CSMD1: variants seen among roughly 807,000 people sequenced by gnomAD.
CSMD1 encodes the protein CUB and sushi domain-containing protein 1.
Under a neutral mutation model 417.5 loss-of-function variants are expected in CSMD1, and 213 were observed. The observed-to-expected ratio is 0.51, with a 90% CI of 0.46 to 0.57. The LOEUF (loss-of-function observed/expected upper bound fraction) is 0.57, where lower values mean the gene tolerates loss of function less well. Ranked by LOEUF, CSMD1 falls within the 20% of genes least tolerant of loss-of-function variation. The pLI, the probability that CSMD1 is intolerant of heterozygous loss-of-function variation, is 0.00. For missense variants in CSMD1, 6,923 were observed against 4,529.7 expected (o/e 1.53, Z -15.17); for synonymous variants, 2,862 against 1,736.8 (o/e 1.65, Z -16.11).
chr8:3,945,176 G>GAAAA (rs1811135353), intron 5 of CSMD1, among the ~76,000 whole-genome samples: 1 of 18,034 alleles, frequency 5.5e-5, no homozygotes, highest in Non-Finnish European at 1.4e-4. Flanking sequence ...CCATGAGAAA[G>GAAAA]ACAAAAAAAA....
At chr8:2,986,371 G>C (rs528057540) in intron 54 of CSMD1, among the ~76,000 whole-genome samples, 1 of 152,134 alleles carries the variant, frequency 6.6e-6, no homozygotes, top group Non-Finnish European at 1.5e-5. Flanking sequence ...AGCATGAACT[G>C]TAAGACCTGC....
chr8:4,718,214 T>A (rs115976474), intron 1 of CSMD1, among the ~76,000 whole-genome samples: 4 of 152,154 alleles, frequency 2.6e-5, no homozygotes, highest in Admixed American at 6.5e-5. Flanking sequence ...TGGGCTTAAG[T>A]GATTCTCCTG....
At chr8:3,949,302 CTCA>C (rs1327290699) in intron 5 of CSMD1, among the ~76,000 whole-genome samples, 2 of 152,104 alleles carry the variant, frequency 1.3e-5, no homozygotes, top group African/African-American at 4.8e-5. Context: ...CTTAAACTTT[CTCA>C]TCCTGTCTCA....
chr8:4,441,342 G>T (rs373360719), intron 2 of CSMD1, among the ~76,000 whole-genome samples: 1 of 148,396 alleles, frequency 6.7e-6, no homozygotes, highest in Admixed American at 6.8e-5. Flanking sequence ...TAAACAGCTG[G>T]CCCCAAGCAA....
intron 39 of CSMD1, among the ~76,000 whole-genome samples, chr8:3,152,458 A>G (rs966953316): frequency 6.6e-6 from 1 of 152,192 alleles, no homozygotes; most frequent in Non-Finnish European, 1.5e-5. Context: ...TTTAAACAAA[A>G]TATTTTCTGG....
chr8:4,404,749 G>A (rs2128930872), intron 3 of CSMD1, among the ~76,000 whole-genome samples: 1 of 151,870 alleles, frequency 6.6e-6, no homozygotes, highest in Admixed American at 6.6e-5. Context: ...TTATTTGGAT[G>A]GCACATATAA....
In CSMD1 at chr8:3,985,840, G is replaced by C. The variant is rs148990635; in HGVS notation, c.818+12063C>G. Among the ~76,000 whole-genome samples, 972 of 150,726 alleles carry C rather than the reference G, an allele frequency of 6.4e-3. 20 individuals are homozygous for C. The highest frequency in any genetic ancestry group is 0.046 in the East Asian group (235 of 5,064). ...GACAGCATTCTTCAATGCTGAGACTGTACCCTAGGTCTGTCTGAGCATCAG... is the reference window on the plus strand; with the variant it reads ...GACAGCATTCTTCAATGCTGAGACTCTACCCTAGGTCTGTCTGAGCATCAG... On this transcript the variant is annotated intron_variant, in intron 5 of 69. Coordinates refer to ENST00000635120, the MANE Select transcript of CSMD1 (RefSeq NM_033225.6).
intron 5 of CSMD1, among the ~76,000 whole-genome samples, chr8:3,871,317 A>G (rs936037875): frequency 2.0e-5 from 3 of 152,104 alleles, no homozygotes; most frequent in Admixed American, 2.0e-4. Flanking sequence ...GTAGTGTTGG[A>G]AAATCACAAC....
At chr8:4,509,209 G>A (rs1474534360) in intron 2 of CSMD1, among the ~76,000 whole-genome samples, 11 of 152,026 alleles carry the variant, frequency 7.2e-5, no homozygotes, top group Non-Finnish European at 1.5e-5. Context: ...TTATAAATTT[G>A]CAAGATGAAG....
At chr8:3,528,445 G>T (rs933988768) in intron 10 of CSMD1, among the ~76,000 whole-genome samples, 1 of 152,196 alleles carries the variant, frequency 6.6e-6, no homozygotes, top group South Asian at 2.1e-4. Context: ...AGCCATGCCT[G>T]CTTCTATGCC....
chr8:4,006,749 C>T (rs188616499), intron 4 of CSMD1, among the ~76,000 whole-genome samples: 1 of 151,782 alleles, frequency 6.6e-6, no homozygotes, highest in African/African-American at 2.4e-5. Flanking sequence ...CCAGAAGGAA[C>T]TCACCACTAT....
At chr8:4,000,020 C>A (rs188358949) in intron 4 of CSMD1, among the ~76,000 whole-genome samples, 1 of 152,204 alleles carries the variant, frequency 6.6e-6, no homozygotes, top group Non-Finnish European at 1.5e-5. Context: ...AAACCAAACA[C>A]GAATAAAAAT....
rs536571052 is a variant in CSMD1, at chr8:4,906,896, G to A, written c.85+87436C>T. On this transcript the variant is annotated intron_variant, in intron 1 of 69. Coordinates refer to ENST00000635120, the MANE Select transcript of CSMD1 (RefSeq NM_033225.6). The stretch of plus-strand genomic sequence containing the variant: ...TTCAAAGTACCTTTAGTTTCACAAT[G>A]TGAGTAAATGTGGAAACTGACTATA... 2.6e-5 allele frequency among the ~76,000 whole-genome samples: 4 copies of A among 152,250 alleles called. No individual in the cohort carries two copies. The South Asian group carries it at 6.2e-4, about 24-fold the overall frequency.
intron 7 of CSMD1, among the ~76,000 whole-genome samples, chr8:3,627,893 G>C (rs145248776): frequency 3.3e-5 from 5 of 152,254 alleles, no homozygotes; most frequent in African/African-American, 1.2e-4. Flanking sequence ...TTGACCTTTA[G>C]GAGAGCTTTA....
chr8:3,757,541 G>A (rs1045996044), intron 5 of CSMD1, among the ~76,000 whole-genome samples: 1 of 152,164 alleles, frequency 6.6e-6, no homozygotes, highest in Non-Finnish European at 1.5e-5. Context: ...CTAGTTTGCT[G>A]ACCCCTGCTC....
chr8:3,263,898 G>C (rs923621571), intron 26 of CSMD1, among the ~76,000 whole-genome samples: 4 of 152,156 alleles, frequency 2.6e-5, no homozygotes, highest in Non-Finnish European at 5.9e-5. Flanking sequence ...ACTGTTTAAA[G>C]TTATTTTAAA....
At chr8:4,140,311 A>T (rs1484375546) in intron 3 of CSMD1, among the ~76,000 whole-genome samples, 1 of 151,028 alleles carries the variant, frequency 6.6e-6, no homozygotes, top group East Asian at 1.9e-4. Context: ...AGCCTGACAA[A>T]CATGGTGAAA....
intron 10 of CSMD1, among the ~76,000 whole-genome samples, chr8:3,546,927 G>A (rs979054145): frequency 1.3e-5 from 2 of 152,208 alleles, no homozygotes; most frequent in African/African-American, 2.4e-5. Context: ...TTAGATGGAG[G>A]GAGGATATCA....
rs1338598304 is a variant in CSMD1, at chr8:3,029,516, G to A, written c.7661-3C>T. 1 of 1,586,894 alleles carries A rather than the reference G, an allele frequency of 6.3e-7. No homozygotes were observed. The highest frequency in any genetic ancestry group is 1.1e-5 in the South Asian group (1 of 87,222). ...TTCAATGCTGGGGCAAGCGACCGCT[G>A]GAAGGGAAACGTACATCACATCATC... On this transcript the variant is annotated splice_polypyrimidine_tract_variant and splice_region_variant and intron_variant, in intron 50 of 69. Transcript: ENST00000635120.
Sources: allele counts gnomAD v4.1 joint callset (sites outside exome capture counted in the v4.1 genomes callset), GRCh38; gene constraint gnomAD v4.1.1; transcripts MANE v1.5; gene names NCBI Gene and HGNC (gene_info 2026-07-23, HGNC 2026-07-21).